Variants in CLVS1 observed in about 807,000 individuals in gnomAD.
CLVS1 encodes the protein clavesin-1.
A neutral mutation model predicts 33.1 loss-of-function variants in CLVS1; 10 were observed. The ratio of observed to expected loss-of-function variants is 0.30; its 90% CI spans 0.19 to 0.51. CLVS1 has a LOEUF of 0.51. CLVS1 is among the 20% of genes least tolerant of loss of function. CLVS1 has a pLI of 0.97. For synonymous variants in CLVS1, 163 were observed against 166.1 expected (o/e 0.98, Z 0.14); for missense variants, 343 against 433.4 (o/e 0.79, Z 1.85).
At chr8:61,337,879 T>A (rs1811862698) in intron 2 of CLVS1, among the ~76,000 whole-genome samples, 1 of 152,208 alleles carries the variant, frequency 6.6e-6, no homozygotes, top group Non-Finnish European at 1.5e-5. Flanking sequence ...TCTTTATAGA[T>A]CTCATTCTAA....
intron 2 of CLVS1, among the ~76,000 whole-genome samples, chr8:61,217,724 C>G (rs546908675): frequency 6.6e-6 from 1 of 152,220 alleles, no homozygotes; most frequent in African/African-American, 2.4e-5. Flanking sequence ...ATAGACAACC[C>G]ACAGAGTGGG....
intron 2 of CLVS1, among the ~76,000 whole-genome samples, chr8:61,247,501 G>T (rs1244531372): frequency 6.6e-6 from 1 of 152,178 alleles, no homozygotes; most frequent in South Asian, 2.1e-4. Flanking sequence ...TCTGACTGGT[G>T]TGAGATGGTA....
At chr8:61,033,004 A>G in the CLVS1 span, among the ~76,000 whole-genome samples, 351 of 101,024 alleles carry the variant, frequency 3.5e-3, 2 homozygotes, top group African/African-American at 0.013. Context: ...AAAGAAAGAA[A>G]GAAAGAAAGA....
At chr8:61,392,198 G>T (rs917388273) in intron 3 of CLVS1, among the ~76,000 whole-genome samples, 1 of 152,122 alleles carries the variant, frequency 6.6e-6, no homozygotes, top group African/African-American at 2.4e-5. Context: ...TGGGCATGGT[G>T]GTGCAGGTCT....
chr8:61,494,556 G>C (rs1428677010), intron 5 of CLVS1, among the ~76,000 whole-genome samples: 1 of 152,172 alleles, frequency 6.6e-6, no homozygotes. Flanking sequence ...TTACCACCAA[G>C]AGTGATCTGG....
chr8:60,974,951 C>A, the CLVS1 span, among the ~76,000 whole-genome samples: 1 of 152,152 alleles, frequency 6.6e-6, no homozygotes, highest in Non-Finnish European at 1.5e-5. Flanking sequence ...CCAGGGCACA[C>A]CCTCAGAGGT....
intron 1 of CLVS1, among the ~76,000 whole-genome samples, chr8:61,298,854 A>C (rs1188484514): frequency 6.6e-6 from 1 of 152,208 alleles, no homozygotes; most frequent in Non-Finnish European, 1.5e-5. Context: ...CATTATCATA[A>C]GTAAAACAGC....
chr8:60,966,828 C>T, the CLVS1 span, among the ~76,000 whole-genome samples: 1 of 152,106 alleles, frequency 6.6e-6, no homozygotes. Flanking sequence ...TTTACGTTTC[C>T]AGGCACAAAT....
intron 2 of CLVS1, among the ~76,000 whole-genome samples, chr8:61,249,844 A>G (rs1808895259): frequency 6.6e-6 from 1 of 151,824 alleles, no homozygotes; most frequent in Non-Finnish European, 1.5e-5. Flanking sequence ...CATTGCAAAA[A>G]TTTTCTCCCA....
At chr8:61,334,413 C>A (rs541240597) in intron 2 of CLVS1, among the ~76,000 whole-genome samples, 32 of 152,296 alleles carry the variant, frequency 2.1e-4, no homozygotes, top group Non-Finnish European at 3.8e-4. Context: ...CCTAGACAAG[C>A]AAGAGGGCCT....
chr8:61,490,645 G>A (rs559211554), intron 5 of CLVS1, among the ~76,000 whole-genome samples: 46 of 121,798 alleles, frequency 3.8e-4, no homozygotes, highest in Non-Finnish European at 7.0e-4. Flanking sequence ...GTGACAGAGC[G>A]AGATCCGTCT....
intron 2 of CLVS1, among the ~76,000 whole-genome samples, chr8:61,307,971 T>C (rs1810690280): frequency 6.6e-6 from 1 of 152,222 alleles, no homozygotes. Flanking sequence ...ATATCAAATT[T>C]TTAAAGAAGG....
At chr8:61,381,272 CTT>C (rs1463991914) in intron 3 of CLVS1, among the ~76,000 whole-genome samples, 1 of 151,878 alleles carries the variant, frequency 6.6e-6, no homozygotes, top group Non-Finnish European at 1.5e-5. Flanking sequence ...TTTTCCAACT[CTT>C]TTCTTTTTTT....
intron 2 of CLVS1, among the ~76,000 whole-genome samples, chr8:61,333,238 G>A (rs1811666698): frequency 1.3e-5 from 2 of 152,148 alleles, no homozygotes; most frequent in African/African-American, 4.8e-5. Flanking sequence ...GTTTAATAAA[G>A]TTTTTACATA....
chr8:61,480,355 G>T (rs1159192817), intron 5 of CLVS1, among the ~76,000 whole-genome samples: 3 of 152,210 alleles, frequency 2.0e-5, no homozygotes, highest in African/African-American at 7.2e-5. Context: ...AATGAGCAAG[G>T]CTCCGTGGGC....
intron 3 of CLVS1, among the ~76,000 whole-genome samples, chr8:61,396,104 C>T (rs915767588): frequency 6.6e-6 from 1 of 152,096 alleles, no homozygotes; most frequent in African/African-American, 2.4e-5. Flanking sequence ...TATTTTAAAA[C>T]GTTCCATCCT....
the CLVS1 span, among the ~76,000 whole-genome samples, chr8:61,035,519 G>A: frequency 3.3e-5 from 5 of 152,134 alleles, no homozygotes; most frequent in Non-Finnish European, 7.4e-5. Context: ...GGCCCCGGGC[G>A]TCTGACGTGT....
At chr8:61,216,801 A>G (rs1808099642) in intron 2 of CLVS1, among the ~76,000 whole-genome samples, 1 of 152,188 alleles carries the variant, frequency 6.6e-6, no homozygotes, top group African/African-American at 2.4e-5. Context: ...ATAGCCTAGC[A>G]GATAGTTTCT....
chr8:61,418,328 C>T (rs1011943102), intron 3 of CLVS1, among the ~76,000 whole-genome samples: 1 of 151,874 alleles, frequency 6.6e-6, no homozygotes, highest in African/African-American at 2.4e-5. Flanking sequence ...TAATGAGACC[C>T]CAACTCAAAA....
Sources: allele counts gnomAD v4.1 joint callset (sites outside exome capture counted in the v4.1 genomes callset), GRCh38; gene constraint gnomAD v4.1.1; transcripts MANE v1.5; gene names NCBI Gene and HGNC (gene_info 2026-07-23, HGNC 2026-07-21).